The following NFXL1 variants were observed in gnomAD, a reference collection of about 807,000 sequenced individuals.
NFXL1 encodes nuclear transcription factor, X-box binding like 1.
In NFXL1, 66 loss-of-function variants were observed where a neutral mutation model predicts 123.3. That is an observed-to-expected ratio of 0.54 (90% CI 0.44 to 0.66). The LOEUF is 0.66. Among genes scored for constraint, NFXL1 ranks in the 30% least tolerant of loss-of-function variants. The pLI is 0.00. For synonymous variants in NFXL1, 346 were observed against 360.8 expected, an observed-to-expected ratio of 0.96 and a Z score of 0.46; for missense variants, 944 against 1,125.6, an observed-to-expected ratio of 0.84 and a Z score of 2.31.
chr4:47,876,006 G>A (rs1254338158), intron 17 of NFXL1, among the ~76,000 whole-genome samples: 1 of 152,020 alleles, frequency 6.6e-6, no homozygotes, highest in African/African-American at 2.4e-5. Flanking sequence ...GGTAAAATAA[G>A]AGAGCTATAG....
At chr4:47,855,316 TA>T (rs991247515) in intron 19 of NFXL1, among the ~76,000 whole-genome samples, 153 bp from the exon 20 acceptor site, 75 of 149,802 alleles carry the variant, frequency 5.0e-4, no homozygotes, top group African/African-American at 1.8e-3. Context: ...TTCTTTTAGA[TA>T]TAAATTATTT....
At position 47,914,434 on chromosome 4, in the gene NFXL1, GAAAT is replaced by G. The variant is rs1477207670; in HGVS notation, c.-76_-73del. On this transcript the variant is annotated 5_prime_UTR_variant, in exon 1 of 23. Transcript: ENST00000507489. ...AAGAGGGGAGGGAGGACTAGGTACA[GAAAT>G]AAACCGCGGAGCAAGAAGCACACAG... 2 of 472,560 alleles carry G rather than the reference GAAAT, an allele frequency of 4.2e-6. No individual in the cohort carries two copies. The highest frequency in any genetic ancestry group is 7.5e-6 in the Non-Finnish European group (2 of 265,782). The allele number at this position is 472,560 out of a possible 1,614,324, so 29.3% of individuals were successfully genotyped here.
In NFXL1 at chr4:47,871,948, G is replaced by A. The variant is rs528742188; in HGVS notation, c.2246+3179C>T. Among the ~76,000 whole-genome samples, 119 of 152,184 alleles carry A rather than the reference G, an allele frequency of 7.8e-4. 1 individual carries two copies. The South Asian group carries it at 0.011, about 15-fold the overall frequency. On this transcript the variant is annotated intron_variant, in intron 18 of 22. Transcript: ENST00000507489. ...TATATTTACAAAAAGCTCACTTTAC[G>A]GACTGGAGTGAAACAGCCAGGAGAG...
At chr4:47,854,971 A>G in intron 20 of NFXL1, 88 bp downstream of exon 20, 1 of 487,026 alleles carries the variant, frequency 2.1e-6, no homozygotes, top group Non-Finnish European at 3.6e-6. Context: ...AACAACTACC[A>G]AAACACATAG....
intron 10 of NFXL1, among the ~76,000 whole-genome samples, chr4:47,895,771 T>C (rs932317258): frequency 4.6e-5 from 7 of 152,244 alleles, no homozygotes; most frequent in South Asian, 2.1e-4. Context: ...GCAATTTTAA[T>C]TTCCTTCAGG....
At chr4:47,909,408 G>A (rs141679094) in intron 3 of NFXL1, among the ~76,000 whole-genome samples, 5 of 152,238 alleles carry the variant, frequency 3.3e-5, no homozygotes, top group Admixed American at 2.0e-4. Flanking sequence ...CTAAAGCTAA[G>A]TCAACTAGGT....
intron 12 of NFXL1, among the ~76,000 whole-genome samples, chr4:47,888,231 G>A (rs1164747711): frequency 1.3e-5 from 2 of 152,120 alleles, no homozygotes; most frequent in Admixed American, 6.5e-5. Flanking sequence ...CCGGGATTGC[G>A]CCACTGCACT....
chr4:47,851,797 G>C (rs1371841474), intron 21 of NFXL1, 59 bp downstream of exon 21: 1 of 1,111,068 alleles, frequency 9.0e-7, no homozygotes, highest in African/African-American at 1.6e-5. Context: ...GTACATAAAT[G>C]CACAAAATAA....
At chr4:47,876,921 T>TA (rs1735792058) in intron 17 of NFXL1, 1 of 389,894 alleles carries the variant, frequency 2.6e-6, no homozygotes, top group African/African-American at 2.1e-5. Context: ...CACAACTGGG[T>TA]AAAAACGGTA....
rs1488814741 is a variant in NFXL1, at chr4:47,910,834, A to C, written c.396T>G (p.Thr132=). 1 of 1,579,104 alleles carries C rather than the reference A, an allele frequency of 6.3e-7. No individual in the cohort carries two copies. The highest frequency in any genetic ancestry group is 1.2e-5 in the South Asian group (1 of 84,844). ...TTAAAAGATCAGTACCTGTCTGAGTAGTGTATGTTATAAACGTATTTGCAA... is the reference window on the plus strand; with the variant it reads ...TTAAAAGATCAGTACCTGTCTGAGTCGTGTATGTTATAAACGTATTTGCAA... The part of the protein sequence containing the change: ...KILANTFITY[T]TQTDGDTREL... Residue 132 remains threonine, a synonymous_variant, in exon 3 of 23, where the codon ACT becomes ACG. Transcript: ENST00000507489.
rs1734332995 is a variant in NFXL1 at position 47,855,087 on chromosome 4, A to C, written c.2393T>G (p.Leu798Arg). Residue 798 changes from leucine to arginine, a missense_variant, in exon 20 of 23, where the codon CTT (leucine) becomes CGT (arginine). Transcript: ENST00000507489. ...TTTTATTCTTTTACAAGGACATCTA[A>C]GTTTTACCTTCTGGTTGCAGTTAAA... ...CPFNCNQKVK[L>R]RCPCKRIKKE... is the part of the protein sequence containing the mutation. 1 of 1,541,942 alleles carries C rather than the reference A, an allele frequency of 6.5e-7. No homozygotes were observed. Among genetic ancestry groups the C allele is most frequent in the African/African-American group, 1.4e-5 (1 of 72,986 alleles).
intron 5 of NFXL1, among the ~76,000 whole-genome samples, chr4:47,900,893 ATC>A (rs1284951606): frequency 6.6e-6 from 1 of 152,244 alleles, no homozygotes; most frequent in Non-Finnish European, 1.5e-5. Context: ...TACTAAGTTC[ATC>A]TGTCTGTGGA....
intron 5 of NFXL1, among the ~76,000 whole-genome samples, chr4:47,902,379 T>C (rs1737390370): frequency 6.6e-6 from 1 of 152,234 alleles, no homozygotes. Flanking sequence ...TCTCCAACTC[T>C]TTCTGGAAAT....
At chr4:47,892,067 G>A (rs761317822) in intron 11 of NFXL1, among the ~76,000 whole-genome samples, 1 of 152,142 alleles carries the variant, frequency 6.6e-6, no homozygotes, top group Non-Finnish European at 1.5e-5. Context: ...TAAGCCAATA[G>A]ACACTTCTGT....
At chr4:47,854,977 C>G (rs1695587102) in intron 20 of NFXL1, 82 bp downstream of exon 20, 2 of 422,444 alleles carry the variant, frequency 4.7e-6, no homozygotes, top group East Asian at 5.3e-5. Context: ...TACCAAAACA[C>G]ATAGATCAAA....
At chr4:47,894,419 TAACA>T in intron 10 of NFXL1, 117 bp from the exon 11 acceptor site, 1 of 605,304 alleles carries the variant, frequency 1.7e-6, no homozygotes. Flanking sequence ...TAAATTTGTA[TAACA>T]AACTTTACCA....
rs576428646 is a variant in NFXL1, at chr4:47,898,970, G to A, written c.977C>T (p.Pro326Leu). ...LLCGQHKCEN[P>L]CHAGSCQPCP... The stretch of plus-strand genomic sequence containing the variant: ...GTATGGCCTTTTACCTGCATGACAA[G>A]GATTTTCACACTTATGTTGCCCACA... Residue 326 changes from proline (P) to leucine (L), a missense_variant, in exon 7 of 23, where the codon CCT (proline) becomes CTT (leucine). Pro to Leu is a moderately conservative substitution (Grantham distance 98, BLOSUM62 -3). Transcript: ENST00000507489. 1.2e-6 allele frequency: 2 copies of A among 1,613,912 alleles called. No homozygotes were observed. Among genetic ancestry groups the A allele is most frequent in the African/African-American group, 2.7e-5 (2 of 74,980 alleles).
chr4:47,875,199 T>A lies in NFXL1; in HGVS notation c.2174A>T (p.Glu725Val). ...HPCILRCHPG[E>V]CPPCVQMLRI... is the part of the protein sequence containing the mutation. ...AAGCATCTGAACACAAGGTGGACAT[T>A]CTCCAGGGTGACATCGCAAAATACA... is the stretch of plus-strand genomic sequence containing the variant. The change falls in exon 18 of 23, where the codon GAA becomes GTA. Residue 725 changes from glutamate (E) to valine (V), a missense_variant. Transcript: ENST00000507489. 1 of 1,613,066 alleles carries A rather than the reference T, an allele frequency of 6.2e-7. No individual in the cohort carries two copies. The highest frequency in any genetic ancestry group is 8.5e-7 in the Non-Finnish European group (1 of 1,179,120).
chr4:47,910,497 C>T (rs1474576512), intron 3 of NFXL1, among the ~76,000 whole-genome samples: 1 of 152,146 alleles, frequency 6.6e-6, no homozygotes, highest in Non-Finnish European at 1.5e-5. Context: ...TCAATCAAAT[C>T]ATCACAACCA....
Sources: gnomAD v4.1 joint callset for allele counts (sites outside exome capture counted in the v4.1 genomes callset) on GRCh38, gnomAD v4.1.1 for gene constraint, MANE v1.5 for transcripts, NCBI Gene and HGNC (gene_info 2026-07-23, HGNC 2026-07-21) for gene names.